UBE4B: variants seen among roughly 807,000 people sequenced by gnomAD.
The protein encoded by UBE4B is ubiquitination factor E4B, also known as ubiquitin conjugation factor E4 B.
UBE4B carries 27 observed loss-of-function variants against 148.1 expected under a neutral mutation model. The ratio of observed to expected loss-of-function variants is 0.18; its 90% confidence interval spans 0.13 to 0.25. The LOEUF (loss-of-function observed/expected upper bound fraction) is 0.25, where lower values mean the gene tolerates loss of function less well. Among genes scored for constraint, UBE4B ranks in the 10% least tolerant of loss-of-function variants. UBE4B has a pLI of 1.00. For synonymous variants in UBE4B, 596 were observed against 619.3 expected (o/e 0.96, Z 0.56); for missense variants, 1,170 against 1,662.4 (o/e 0.70, Z 5.15).
intron 2 of UBE4B, 94 bp from the exon 3 acceptor site, chr1:10,095,367 G>A: frequency 6.8e-7 from 1 of 1,477,708 alleles, no homozygotes; most frequent in South Asian, 1.3e-5. Flanking sequence ...GTCATGATGG[G>A]TGACTGCAGA....
chr1:10,179,687 A>G (rs1048298744), intron 27 of UBE4B, 125 bp downstream of exon 27: 22 of 1,487,796 alleles, frequency 1.5e-5, no homozygotes, highest in Non-Finnish European at 2.0e-5. Flanking sequence ...ACTTTATGAC[A>G]CTCTGTAGCA....
chr1:10,100,171 T>C (rs1644987256), intron 3 of UBE4B, among the ~76,000 whole-genome samples: 1 of 152,034 alleles, frequency 6.6e-6, no homozygotes. Flanking sequence ...TTGTATTTTT[T>C]AGTAGAGACG....
intron 1 of UBE4B, among the ~76,000 whole-genome samples, chr1:10,061,787 T>C (rs1416335973): frequency 1.3e-5 from 2 of 152,168 alleles, no homozygotes; most frequent in Non-Finnish European, 2.9e-5. Context: ...TCTCAAACTT[T>C]TTCCTTTGAA....
intron 1 of UBE4B, among the ~76,000 whole-genome samples, chr1:10,037,406 C>G (rs997806721): frequency 6.6e-6 from 1 of 152,168 alleles, no homozygotes; most frequent in African/African-American, 2.4e-5. Flanking sequence ...GTTCATTGCC[C>G]TATAGTTCAC....
rs530493819 is a variant in UBE4B at position 10,034,642 on chromosome 1, A to T, written c.24+948A>T. ...CTCCACATTTCTTCACTGGTTCATC[A>T]TGTAAACTTCCCTACAGTATTAGGA... is the stretch of plus-strand genomic sequence containing the variant. On this transcript the variant is annotated intron_variant, in intron 1 of 27. Transcript: ENST00000343090. Among the ~76,000 whole-genome samples the T allele has an allele frequency of 3.3e-5, 5 of 152,260 alleles. No individual in the cohort carries two copies. The East Asian group carries it at 9.6e-4, about 29-fold the overall frequency.
At chr1:10,056,307 G>A (rs974464992) in intron 1 of UBE4B, among the ~76,000 whole-genome samples, 1 of 152,190 alleles carries the variant, frequency 6.6e-6, no homozygotes, top group African/African-American at 2.4e-5. Flanking sequence ...AGGGGAAACT[G>A]AGCCTAAGAG....
At chr1:10,154,867 G>A (rs1646042010) in intron 21 of UBE4B, among the ~76,000 whole-genome samples, 1 of 152,024 alleles carries the variant, frequency 6.6e-6, no homozygotes, top group Admixed American at 6.6e-5. Flanking sequence ...GGAATGTAGG[G>A]AAGGACATAT....
intron 20 of UBE4B, among the ~76,000 whole-genome samples, chr1:10,150,950 A>G (rs1645964928): frequency 6.6e-6 from 1 of 150,530 alleles, no homozygotes; most frequent in African/African-American, 2.5e-5. Context: ...TCACGAGGTC[A>G]GGAGATCGAG....
intron 4 of UBE4B, 71 bp from the exon 5 acceptor site, chr1:10,102,877 C>T (rs1645038364): frequency 4.1e-6 from 6 of 1,448,884 alleles, no homozygotes; most frequent in Middle Eastern, 2.1e-4. Flanking sequence ...ATCAGAATAA[C>T]GTATTCCTAT....
Position 10,161,335 on chromosome 1 carries a change from C to T in UBE4B, c.3198+49C>T. On this transcript the variant is annotated intron_variant, in intron 23 of 27. Coordinates refer to ENST00000343090, the MANE Select transcript of UBE4B (RefSeq NM_001105562.3). The surrounding 1 kb of genome is among the most constrained non-coding windows in gnomAD (Gnocchi z 4.1). ...GGACAGCTTTGCAGGCCATCTGCCT[C>T]CACACACGGGCAGAGCTGCTTTGGG... is the stretch of plus-strand genomic sequence containing the variant. 2.5e-6 allele frequency: 4 copies of T among 1,595,106 alleles called. No individual in the cohort carries two copies. Among genetic ancestry groups the T allele is most frequent in the Non-Finnish European group, 3.4e-6 (4 of 1,167,302 alleles).
chr1:10,105,798 C>T (rs1464077752), intron 6 of UBE4B, 54 bp downstream of exon 6: 23 of 1,533,318 alleles, frequency 1.5e-5, no homozygotes, highest in East Asian at 2.3e-5. Context: ...CTGTGAACTA[C>T]GTAGGAGAAG....
intron 2 of UBE4B, among the ~76,000 whole-genome samples, chr1:10,094,700 G>C (rs1384578578): frequency 6.6e-6 from 1 of 151,934 alleles, no homozygotes; most frequent in South Asian, 2.1e-4. Context: ...TCCCAAAATG[G>C]TGGGATTACA....
At chr1:10,045,280 G>A (rs1396220890) in intron 1 of UBE4B, among the ~76,000 whole-genome samples, 1 of 152,232 alleles carries the variant, frequency 6.6e-6, no homozygotes, top group African/African-American at 2.4e-5. Flanking sequence ...GAGCTTCAGA[G>A]AGGCCGAAAT....
intron 8 of UBE4B, 116 bp downstream of exon 8, chr1:10,117,716 C>T (rs946778321): frequency 3.9e-6 from 5 of 1,295,472 alleles, no homozygotes; most frequent in Non-Finnish European, 5.2e-6. Context: ...TGAGCATTTG[C>T]CATGTGCCAG....
At chr1:10,179,615 A>C (rs1646477051) in intron 27 of UBE4B, 53 bp downstream of exon 27, 1 of 1,600,974 alleles carries the variant, frequency 6.2e-7, no homozygotes, top group African/African-American at 1.3e-5. Flanking sequence ...CCAAGAGATA[A>C]AGCCCAAGTC....
intron 2 of UBE4B, among the ~76,000 whole-genome samples, chr1:10,090,896 A>AG (rs894952240): frequency 7.9e-5 from 12 of 152,138 alleles, no homozygotes; most frequent in African/African-American, 2.9e-4. Flanking sequence ...TGTACTTGAA[A>AG]GGGAACATCA....
intron 21 of UBE4B, among the ~76,000 whole-genome samples, chr1:10,153,712 G>A (rs1403805942): frequency 6.6e-6 from 1 of 152,058 alleles, no homozygotes; most frequent in African/African-American, 2.4e-5. Flanking sequence ...CATTTTGGAA[G>A]ACTGAGGTGG....
At chr1:10,134,712 C>G (rs1645649776) in intron 15 of UBE4B, among the ~76,000 whole-genome samples, 1 of 151,922 alleles carries the variant, frequency 6.6e-6, no homozygotes, top group South Asian at 2.1e-4. Flanking sequence ...CAAAGTTTGC[C>G]AAAATTTCTA....
chr1:10,057,661 T>C (rs1469868091), intron 1 of UBE4B, among the ~76,000 whole-genome samples: 2 of 149,462 alleles, frequency 1.3e-5, no homozygotes, highest in Non-Finnish European at 3.0e-5. Context: ...CCCAGGGAGG[T>C]TGAGGCTGCA....
Sources: gnomAD v4.1 joint callset for allele counts (sites outside exome capture counted in the v4.1 genomes callset) on GRCh38, gnomAD v4.1.1 for gene constraint, Gnocchi (gnomAD v3.1) non-coding constraint, MANE v1.5 for transcripts, NCBI Gene and HGNC (gene_info 2026-07-23, HGNC 2026-07-21) for gene names.